The following CST5 variants were observed in gnomAD, a reference collection of about 807,000 sequenced individuals.
The protein encoded by CST5 is cystatin D, also known as cystatin-D.
CST5 carries 13 observed loss-of-function variants against 11.5 expected under a neutral mutation model. The observed-to-expected ratio is 1.13, with a 90% confidence interval of 0.73 to 1.79. The LOEUF (loss-of-function observed/expected upper bound fraction) is 1.79. Ranked by LOEUF, CST5 falls within the 40% of genes most tolerant of loss-of-function variation. CST5 has a pLI of 0.00. For missense variants in CST5, 219 were observed against 174.5 expected (o/e 1.25, Z -1.44); for synonymous variants, 81 against 67.6 (o/e 1.20, Z -0.97).
intron 1 of CST5, 120 bp downstream of exon 1, chr20:23,879,326 G>A (rs1269969492): frequency 1.3e-6 from 1 of 788,698 alleles, no homozygotes; most frequent in South Asian, 1.5e-5. Flanking sequence ...TCAGCAGACA[G>A]TCAGAGAAAG....
intron 2 of CST5, among the ~76,000 whole-genome samples, chr20:23,876,831 C>CT (rs1289336166): frequency 6.6e-6 from 1 of 152,142 alleles, no homozygotes; most frequent in South Asian, 2.1e-4. Context: ...CATTTAATTC[C>CT]TTCTAATGTG....
At chr20:23,876,422 T>C in intron 2 of CST5, 151 bp from the exon 3 acceptor site, 1 of 601,896 alleles carries the variant, frequency 1.7e-6, no homozygotes, top group South Asian at 1.9e-5. Context: ...TCCAGGGCAC[T>C]GAGCCCAACT....
rs536347158 is a variant in CST5, at chr20:23,877,571, G to T, written c.279C>A (p.Thr93=). 3.8e-5 allele frequency: 61 copies of T among 1,613,928 alleles called. No homozygotes were observed. The South Asian group carries it at 6.1e-4, about 16-fold the overall frequency. The change falls in exon 2 of 3, where the codon ACC becomes ACA. Residue 93 remains threonine (T), a synonymous_variant. Transcript: ENST00000304710. ...AGTTGGGCTGGGACTTGGTGCATGT[G>T]GTTCGACCGAACTTCACATTGAAGT... ...NYYFNVKFGR[T]TCTKSQPNLD...
rs1986035423 is a variant in CST5 at position 23,879,453 on chromosome 20, T to A, written c.224A>T (p.Tyr75Phe). The A allele has an allele frequency of 1.9e-6, 3 of 1,613,490 alleles. No homozygotes were observed. The highest frequency in any genetic ancestry group is 1.7e-6 in the Non-Finnish European group (2 of 1,179,674). ...YSRPLQVMAA[Y>F]QQIVGGVNYY... ...GGTGGTGGTAGCACGCACCTGCTGG[T>A]AGGCAGCCATCACCTGCAGAGGGCG... The change falls in exon 1 of 3, where the codon TAC (tyrosine) becomes TTC (phenylalanine). Residue 75 changes from tyrosine (Y) to phenylalanine (F), a missense_variant. Coordinates refer to ENST00000304710, the MANE Select transcript of CST5 (RefSeq NM_001900.5).
Position 23,877,531 on chromosome 20 carries a change from A to C in CST5, c.319T>G (p.Phe107Val). 6.2e-7 allele frequency: 1 copy of C among 1,614,172 alleles called. No homozygotes were observed. The highest frequency in any genetic ancestry group is 1.6e-4 in the Middle Eastern group (1 of 6,062). ...TCTTTCAGTTTTGGCTGGTCATTGAAGGGACAGTTGTCCAAGTTGGGCTGG... is the reference window on the plus strand; with the variant it reads ...TCTTTCAGTTTTGGCTGGTCATTGACGGGACAGTTGTCCAAGTTGGGCTGG... The part of the protein sequence containing the change: ...KSQPNLDNCP[F>V]NDQPKLKEEE... Residue 107 changes from phenylalanine (F) to valine (V), a missense_variant, in exon 2 of 3, where the codon TTC becomes GTC. Phe to Val is a conservative substitution (Grantham distance 50). Coordinates refer to ENST00000304710, the MANE Select transcript of CST5 (RefSeq NM_001900.5).
intron 1 of CST5, among the ~76,000 whole-genome samples, chr20:23,878,948 G>T (rs1986021113): frequency 6.6e-6 from 1 of 152,224 alleles, no homozygotes; most frequent in African/African-American, 2.4e-5. Context: ...CAGGAACTCA[G>T]CTGTCCTGGG....
rs1443866515 is a variant in CST5, at chr20:23,879,439, C to G, written c.231+7G>C. Reference sequence around the variant, plus strand: ...CTCAGGACCCCCAGGGTGGTGGTAGCACGCACCTGCTGGTAGGCAGCCATC... The same window carrying G: ...CTCAGGACCCCCAGGGTGGTGGTAGGACGCACCTGCTGGTAGGCAGCCATC... On this transcript the variant is annotated splice_region_variant and intron_variant, in intron 1 of 2. Coordinates refer to ENST00000304710, the MANE Select transcript of CST5 (RefSeq NM_001900.5). The G allele has an allele frequency of 6.2e-7, 1 of 1,612,016 alleles. No homozygotes were observed. The highest frequency in any genetic ancestry group is 8.5e-7 in the Non-Finnish European group (1 of 1,178,642).
intron 1 of CST5, 62 bp downstream of exon 1, chr20:23,879,384 T>C (rs1325357184): frequency 4.0e-6 from 5 of 1,237,426 alleles, no homozygotes; most frequent in South Asian, 1.2e-5. Context: ...GGGAGTGCTC[T>C]GGGGGGTGAG....
At chr20:23,879,133 C>A (rs151059110) in intron 1 of CST5, among the ~76,000 whole-genome samples, 21 of 152,252 alleles carry the variant, frequency 1.4e-4, no homozygotes, top group Non-Finnish European at 2.2e-4. Flanking sequence ...TGGATCTCAT[C>A]CTGAGCAGCA....
chr20:23,879,225 T>C (rs888854957), intron 1 of CST5, among the ~76,000 whole-genome samples: 2 of 152,132 alleles, frequency 1.3e-5, no homozygotes, highest in Non-Finnish European at 2.9e-5. Flanking sequence ...ACAGACACAG[T>C]GGCTGCTGCA....
At chr20:23,879,205 C>T (rs930315290) in intron 1 of CST5, among the ~76,000 whole-genome samples, 7 of 152,274 alleles carry the variant, frequency 4.6e-5, no homozygotes, top group African/African-American at 7.2e-5. Flanking sequence ...GGAAATGCCA[C>T]AGTCATGGTA....
rs1037122726 is a variant in CST5, at chr20:23,877,701, C to A, written c.232-83G>T. ...CAGGCACTTCACTGTGACTGAGTCA[C>A]TGGGCTTGCCTGGGGCTTCATGCCC... On this transcript the variant is annotated intron_variant, in intron 1 of 2. Transcript: ENST00000304710. 7.4e-5 allele frequency: 81 copies of A among 1,094,930 alleles called. No homozygotes were observed. In the Middle Eastern group the frequency reaches 7.6e-4, roughly 10 times the overall value. The allele number at this position is 1,094,930 out of a possible 1,614,324, so 67.8% of individuals were successfully genotyped here.
intron 1 of CST5, among the ~76,000 whole-genome samples, chr20:23,877,879 T>G (rs1308584194): frequency 6.6e-6 from 1 of 152,196 alleles, no homozygotes; most frequent in African/African-American, 2.4e-5. Flanking sequence ...GCAGGGCAGA[T>G]GGAAGCCAGG....
At chr20:23,877,031 C>T (rs980865164) in intron 2 of CST5, among the ~76,000 whole-genome samples, 3 of 152,102 alleles carry the variant, frequency 2.0e-5, no homozygotes, top group Admixed American at 1.3e-4. Context: ...TTCATCACCC[C>T]TATCCACACC....
chr20:23,879,672 A>C lies in CST5; in HGVS notation c.5T>G (p.Met2Arg). 5 of 1,612,780 alleles carry C rather than the reference A, an allele frequency of 3.1e-6. No individual in the cohort carries two copies. The highest frequency in any genetic ancestry group is 2.5e-6 in the Non-Finnish European group (3 of 1,179,082). M[M>R]WPMHTPLLLL... ...CAGCAGTGGGGTGTGCATGGGCCAC[A>C]TCATGTTCTACTGGGACACAGAGCA... Residue 2 changes from methionine (M) to arginine (R), a missense_variant, in exon 1 of 3, where the codon ATG (methionine) becomes AGG (arginine). Met to Arg is a moderately conservative substitution (Grantham distance 91, BLOSUM62 -1). Coordinates refer to ENST00000304710, the MANE Select transcript of CST5 (RefSeq NM_001900.5).
At chr20:23,876,443 T>A (rs995770057) in intron 2 of CST5, among the ~76,000 whole-genome samples, 172 bp from the exon 3 acceptor site, 2 of 152,172 alleles carry the variant, frequency 1.3e-5, no homozygotes, top group African/African-American at 4.8e-5. Context: ...GGGCAGTGAC[T>A]GTTCCATTGC....
chr20:23,879,074 G>A (rs1021606361), intron 1 of CST5, among the ~76,000 whole-genome samples: 2 of 152,176 alleles, frequency 1.3e-5, no homozygotes, highest in South Asian at 2.1e-4. Flanking sequence ...TCAGGTTCCC[G>A]TGTGGCCCCT....
At position 23,879,578 on chromosome 20, in the gene CST5, G is replaced by T; in HGVS notation, c.99C>A (p.Gly33=). The stretch of plus-strand genomic sequence containing the variant: ...TGTCATTGAGGTCTGTGGCATGGAT[G>T]CCACCTGCCAAGGTCCTAGATTGGG... The part of the protein sequence containing the change: ...ASAQSRTLAG[G]IHATDLNDKS... Residue 33 remains glycine, a synonymous_variant, in exon 1 of 3, where the codon GGC becomes GGA. Coordinates refer to ENST00000304710, the MANE Select transcript of CST5 (RefSeq NM_001900.5). The T allele has an allele frequency of 6.2e-7, 1 of 1,614,068 alleles. No individual in the cohort carries two copies. Among genetic ancestry groups the T allele is most frequent in the African/African-American group, 1.3e-5 (1 of 75,006 alleles).
At chr20:23,878,500 T>A (rs1237429429) in intron 1 of CST5, among the ~76,000 whole-genome samples, 5 of 152,176 alleles carry the variant, frequency 3.3e-5, no homozygotes, top group African/African-American at 1.2e-4. Flanking sequence ...AGTCCTGTGA[T>A]CCCTCCGGTG....
Sources: gnomAD v4.1 joint callset for allele counts (sites outside exome capture counted in the v4.1 genomes callset) on GRCh38, gnomAD v4.1.1 for gene constraint, MANE v1.5 for transcripts, NCBI Gene and HGNC (gene_info 2026-07-23, HGNC 2026-07-21) for gene names.